DNAJC11: variants seen among roughly 807,000 people sequenced by gnomAD.
The protein encoded by DNAJC11 is DnaJ heat shock protein family (Hsp40) member C11, also known as dnaJ homolog subfamily C member 11.
A neutral mutation model predicts 78.6 loss-of-function variants in DNAJC11; 15 were observed. The observed-to-expected ratio is 0.19, with a 90% confidence interval of 0.13 to 0.29. DNAJC11 has a LOEUF of 0.29. DNAJC11 is among the 10% of genes least tolerant of loss of function. DNAJC11 has a pLI of 1.00. For missense variants in DNAJC11, 547 were observed against 709.6 expected, an observed-to-expected ratio of 0.77 and a Z score of 2.60; for synonymous variants, 292 against 272.1, an observed-to-expected ratio of 1.07 and a Z score of -0.72.
chr1:6,638,470 C>T, intron 11 of DNAJC11, 106 bp from the exon 12 acceptor site: 1 of 1,000,244 alleles, frequency 1.0e-6, no homozygotes, highest in Non-Finnish European at 1.4e-6. Context: ...AGTCTGTGAT[C>T]TTACTGGAGT....
intron 1 of DNAJC11, among the ~76,000 whole-genome samples, chr1:6,686,326 A>T (rs1372950239): frequency 6.6e-6 from 1 of 152,262 alleles, no homozygotes; most frequent in Admixed American, 6.5e-5. Flanking sequence ...GTAAGGAATA[A>T]CTTAAGAATG....
intron 14 of DNAJC11, 95 bp from the exon 15 acceptor site, chr1:6,636,341 G>C (rs770472516): frequency 7.2e-6 from 11 of 1,518,248 alleles, no homozygotes; most frequent in Non-Finnish European, 8.9e-6. Context: ...CACAGGCTCT[G>C]ACATTCCCTG....
chr1:6,664,471 C>T (rs959103315), intron 4 of DNAJC11, among the ~76,000 whole-genome samples: 1 of 152,092 alleles, frequency 6.6e-6, no homozygotes, highest in African/African-American at 2.4e-5. Context: ...ATCTCCTGAC[C>T]TCGTAATCCA....
At chr1:6,699,512 T>G (rs1042248523) in intron 1 of DNAJC11, among the ~76,000 whole-genome samples, 7 of 152,182 alleles carry the variant, frequency 4.6e-5, no homozygotes, top group Non-Finnish European at 5.9e-5. Flanking sequence ...CAACCCAGAC[T>G]AAGTACGAAT....
intron 1 of DNAJC11, among the ~76,000 whole-genome samples, chr1:6,684,128 T>A (rs561128074): frequency 1.8e-4 from 27 of 151,918 alleles, no homozygotes; most frequent in African/African-American, 4.6e-4. Flanking sequence ...CCACCCAGGC[T>A]GGAGTGCAGT....
At chr1:6,640,734 A>C (rs1039581765) in intron 10 of DNAJC11, among the ~76,000 whole-genome samples, 1 of 152,116 alleles carries the variant, frequency 6.6e-6, no homozygotes, top group Non-Finnish European at 1.5e-5. Flanking sequence ...CGGGAGGCTG[A>C]GTGAGGCGGG....
chr1:6,637,145 C>T, intron 14 of DNAJC11, 53 bp downstream of exon 14: 1 of 1,609,368 alleles, frequency 6.2e-7, no homozygotes, highest in Non-Finnish European at 8.5e-7. Flanking sequence ...TCACCGCGCC[C>T]AGCCTGTTCA....
chr1:6,664,179 A>C (rs1393275420), intron 4 of DNAJC11, among the ~76,000 whole-genome samples: 3 of 152,022 alleles, frequency 2.0e-5, no homozygotes, highest in Non-Finnish European at 2.9e-5. Context: ...GCCATACTGC[A>C]AACAGCACCG....
chr1:6,680,682 G>A lies in DNAJC11; in HGVS notation c.202+226C>T, dbSNP rs150287522. Among the ~76,000 whole-genome samples, 1 of 152,186 alleles carries A rather than the reference G, an allele frequency of 6.6e-6. No homozygotes were observed. Among genetic ancestry groups the A allele is most frequent in the Non-Finnish European group, 1.5e-5 (1 of 68,024 alleles). On this transcript the variant is annotated intron_variant, in intron 2 of 15. Coordinates refer to ENST00000377577, the MANE Select transcript of DNAJC11 (RefSeq NM_018198.4). The surrounding 1 kb of genome is among the most constrained non-coding windows in gnomAD (Gnocchi z 4.0). Reference sequence around the variant, plus strand: ...AGTATTCCCTTGCAATTGAGACTCTGTCTATTACCTCGCCCGGTCTCTCAT... The same window carrying A: ...AGTATTCCCTTGCAATTGAGACTCTATCTATTACCTCGCCCGGTCTCTCAT...
At chr1:6,638,033 T>C in intron 12 of DNAJC11, 1 of 425,898 alleles carries the variant, frequency 2.3e-6, no homozygotes, top group Non-Finnish European at 4.2e-6. Context: ...TCCCTCCTGC[T>C]CAGTAAAAGG....
intron 7 of DNAJC11, among the ~76,000 whole-genome samples, chr1:6,649,294 C>T (rs377462453): frequency 2.6e-5 from 4 of 152,088 alleles, no homozygotes; most frequent in East Asian, 3.9e-4. Context: ...CTCAGCCTCC[C>T]GAGTAGCTGG....
chr1:6,695,138 T>C (rs1642814161), intron 1 of DNAJC11, among the ~76,000 whole-genome samples: 1 of 46,852 alleles, frequency 2.1e-5, no homozygotes, highest in African/African-American at 9.0e-5. Flanking sequence ...AGAGCGAGAC[T>C]CTCTCAAAAA....
At chr1:6,652,428 C>A (rs2148733338) in intron 6 of DNAJC11, among the ~76,000 whole-genome samples, 1 of 152,106 alleles carries the variant, frequency 6.6e-6, no homozygotes, top group South Asian at 2.1e-4. Context: ...GATATGAGAC[C>A]TATTTATTTA....
At chr1:6,638,407 C>T in intron 11 of DNAJC11, 43 bp from the exon 12 acceptor site, 2 of 1,586,490 alleles carry the variant, frequency 1.3e-6, no homozygotes. Context: ...CGCGGCGCTG[C>T]CCAGCTTCCA....
At position 6,645,055 on chromosome 1, in the gene DNAJC11, C is replaced by T. The variant is rs138702756; in HGVS notation, c.966G>A (p.Val322=). Reference sequence around the variant, plus strand: ...CCAGGACTTACTTGAGGGATCCTTTCACACGAGTCTGATCGTCATCTTGGA... The same window carrying T: ...CCAGGACTTACTTGAGGGATCCTTTTACACGAGTCTGATCGTCATCTTGGA... The part of the protein sequence containing the change: ...HKFQDDDQTR[V]KGSLKAGFFG... The change falls in exon 9 of 16, where the codon GTG becomes GTA. Residue 322 remains valine, a synonymous_variant. Coordinates refer to ENST00000377577, the MANE Select transcript of DNAJC11 (RefSeq NM_018198.4). This position sits in a 1 kb window ranked among gnomAD's most constrained non-coding sequence, Gnocchi z 4.1. 12 of 1,614,002 alleles carry T rather than the reference C, an allele frequency of 7.4e-6. No homozygotes were observed. Among genetic ancestry groups the T allele is most frequent in the Non-Finnish European group, 1.0e-5 (12 of 1,179,986 alleles).
At chr1:6,678,194 G>C (rs1642501999) in intron 3 of DNAJC11, among the ~76,000 whole-genome samples, 200 bp downstream of exon 3, 1 of 152,208 alleles carries the variant, frequency 6.6e-6, no homozygotes, top group Non-Finnish European at 1.5e-5. Context: ...CAGATGAGTG[G>C]CTGGCCCAAG....
intron 1 of DNAJC11, among the ~76,000 whole-genome samples, chr1:6,700,997 ACT>A (rs1250481425): frequency 6.6e-6 from 1 of 151,874 alleles, no homozygotes; most frequent in African/African-American, 2.4e-5. Flanking sequence ...GCTATGTGAG[ACT>A]CTCTCATGTT....
chr1:6,701,617 C>T (rs1268078147), intron 1 of DNAJC11, 112 bp downstream of exon 1: 1 of 1,162,600 alleles, frequency 8.6e-7, no homozygotes, highest in Non-Finnish European at 1.2e-6. Context: ...ACGCGGCCTC[C>T]CCGACGGACC....
intron 3 of DNAJC11, chr1:6,668,176 C>T (rs148463632): frequency 8.5e-4 from 160 of 189,292 alleles, no homozygotes; most frequent in African/African-American, 3.4e-3. Flanking sequence ...CTCGCTCTGT[C>T]GCCCAAGCTG....
Sources: allele counts gnomAD v4.1 joint callset (sites outside exome capture counted in the v4.1 genomes callset), GRCh38; gene constraint gnomAD v4.1.1; non-coding constraint Gnocchi (gnomAD v3.1); transcripts MANE v1.5; gene names NCBI Gene and HGNC (gene_info 2026-07-23, HGNC 2026-07-21).